The following TSPAN18 variants were observed in gnomAD, a reference collection of about 807,000 sequenced individuals.
The protein encoded by TSPAN18 is tetraspanin 18, also known as tetraspanin-18.
In TSPAN18, 14 loss-of-function variants were observed where a neutral mutation model predicts 27.3. The ratio of observed to expected loss-of-function variants is 0.51; its 90% CI spans 0.34 to 0.80. The LOEUF (loss-of-function observed/expected upper bound fraction) is 0.80, where lower values mean the gene tolerates loss of function less well. Among genes scored for constraint, TSPAN18 ranks in the 30% least tolerant of loss-of-function variants. The pLI is 0.01. For missense variants in TSPAN18, 268 were observed against 323.9 expected (o/e 0.83, Z 1.32); for synonymous variants, 143 against 136.5 (o/e 1.05, Z -0.33).
At chr11:44,911,813 G>A (rs1859726555) in intron 5 of TSPAN18, among the ~76,000 whole-genome samples, 2 of 152,078 alleles carry the variant, frequency 1.3e-5, no homozygotes, top group Non-Finnish European at 2.9e-5. Context: ...CGTGCTATGC[G>A]AGGCAGGACT....
At chr11:44,731,849 C>T (rs1854669393) in intron 1 of TSPAN18, among the ~76,000 whole-genome samples, 1 of 152,258 alleles carries the variant, frequency 6.6e-6, no homozygotes, top group East Asian at 1.9e-4. Flanking sequence ...GATATTTCAT[C>T]AGCTAGCATT....
chr11:44,765,284 TAGA>T (rs1855542092), intron 2 of TSPAN18, among the ~76,000 whole-genome samples: 1 of 152,092 alleles, frequency 6.6e-6, no homozygotes, highest in Admixed American at 6.5e-5. Flanking sequence ...AGGGCTGAAA[TAGA>T]AGAAGTGACA....
At chr11:44,915,456 C>T (rs749466290) in intron 5 of TSPAN18, among the ~76,000 whole-genome samples, 11 of 152,198 alleles carry the variant, frequency 7.2e-5, no homozygotes, top group Non-Finnish European at 1.6e-4. Context: ...AGGCTTCCCC[C>T]ACCCCACCCT....
intron 3 of TSPAN18, among the ~76,000 whole-genome samples, chr11:44,882,829 C>A (rs903095474): frequency 2.0e-5 from 3 of 152,144 alleles, no homozygotes; most frequent in Non-Finnish European, 2.9e-5. Flanking sequence ...ACCCCCAGAC[C>A]CCCAGACCCA....
chr11:44,842,171 AG>A (rs894830402), intron 2 of TSPAN18, among the ~76,000 whole-genome samples: 73 of 152,338 alleles, frequency 4.8e-4, no homozygotes, highest in African/African-American at 1.7e-3. Context: ...GCACAGCCTC[AG>A]TCTCCTTCAA....
At chr11:44,732,436 AT>A (rs1454285949) in intron 1 of TSPAN18, among the ~76,000 whole-genome samples, 1 of 152,174 alleles carries the variant, frequency 6.6e-6, no homozygotes, top group East Asian at 1.9e-4. Flanking sequence ...GGTTGATCTG[AT>A]TCTCTTATCC....
chr11:44,734,183 A>G (rs967856087), intron 1 of TSPAN18, among the ~76,000 whole-genome samples: 2 of 152,072 alleles, frequency 1.3e-5, no homozygotes, highest in African/African-American at 4.8e-5. Flanking sequence ...CCAGAAGCAC[A>G]TACTGGCACC....
chr11:44,819,830 A>G (rs1856890947), intron 2 of TSPAN18, among the ~76,000 whole-genome samples: 2 of 152,104 alleles, frequency 1.3e-5, no homozygotes, highest in African/African-American at 4.8e-5. Context: ...AGAAAAGTCC[A>G]GAGCCTGAGC....
chr11:44,859,859 T>C (rs1364463174), intron 2 of TSPAN18: 1 of 152,140 alleles, frequency 6.6e-6, no homozygotes, highest in Admixed American at 6.6e-5. Flanking sequence ...TGGGTATCAG[T>C]CTCCTTATTG....
intron 3 of TSPAN18, among the ~76,000 whole-genome samples, chr11:44,868,290 C>G (rs1565184204): frequency 1.3e-5 from 2 of 152,184 alleles, no homozygotes; most frequent in Non-Finnish European, 2.9e-5. Context: ...GCATGCTCCC[C>G]TTTATCTTTT....
intron 5 of TSPAN18, among the ~76,000 whole-genome samples, chr11:44,916,142 G>A (rs571737239): frequency 2.6e-4 from 39 of 152,280 alleles, no homozygotes; most frequent in Non-Finnish European, 5.0e-4. Flanking sequence ...TTTTATGTCC[G>A]TGTGCTGAAT....
intron 2 of TSPAN18, among the ~76,000 whole-genome samples, chr11:44,830,668 C>A (rs1301793148): frequency 6.6e-6 from 1 of 152,162 alleles, no homozygotes; most frequent in Non-Finnish European, 1.5e-5. Context: ...GGGCCAGGCA[C>A]CTAACACAAA....
intron 4 of TSPAN18, among the ~76,000 whole-genome samples, chr11:44,908,416 T>C (rs1036281368): frequency 4.6e-5 from 7 of 152,032 alleles, no homozygotes; most frequent in Non-Finnish European, 8.8e-5. Flanking sequence ...ACAGATCTGC[T>C]TCTAATACTT....
intron 2 of TSPAN18, among the ~76,000 whole-genome samples, chr11:44,846,502 AT>A (rs1394075172): frequency 2.6e-5 from 4 of 152,226 alleles, no homozygotes; most frequent in African/African-American, 9.6e-5. Context: ...CACCTCAGGG[AT>A]CAGAACACTC....
chr11:44,887,566 T>C (rs1858698274), intron 3 of TSPAN18, among the ~76,000 whole-genome samples: 1 of 152,180 alleles, frequency 6.6e-6, no homozygotes, highest in African/African-American at 2.4e-5. Context: ...AGTAGGCATT[T>C]AGGAGGTAAA....
intron 2 of TSPAN18, among the ~76,000 whole-genome samples, chr11:44,811,522 C>T (rs1198348906): frequency 1.3e-5 from 2 of 150,672 alleles, no homozygotes; most frequent in Non-Finnish European, 2.9e-5. Flanking sequence ...TGCAATGGCA[C>T]AATCTCGGCT....
intron 2 of TSPAN18, among the ~76,000 whole-genome samples, chr11:44,798,779 TAGAG>T (rs1460032437): frequency 2.0e-5 from 3 of 152,032 alleles, no homozygotes. Flanking sequence ...CCAAAAGAAA[TAGAG>T]AGGGAGGGTT....
chr11:44,926,781 C>T, intron 9 of TSPAN18, 24 bp downstream of exon 9: 1 of 1,611,016 alleles, frequency 6.2e-7, no homozygotes, highest in Non-Finnish European at 8.5e-7. Context: ...CCCACTTCTG[C>T]CGCTCCCCAG....
intron 1 of TSPAN18, among the ~76,000 whole-genome samples, chr11:44,729,976 G>T (rs988165847): frequency 9.9e-5 from 15 of 152,172 alleles, no homozygotes; most frequent in African/African-American, 3.6e-4. Flanking sequence ...TCTGTAAAAT[G>T]AATATGTTGG....
Sources: gnomAD v4.1 joint callset for allele counts (sites outside exome capture counted in the v4.1 genomes callset) on GRCh38, gnomAD v4.1.1 for gene constraint, MANE v1.5 for transcripts, NCBI Gene and HGNC (gene_info 2026-07-23, HGNC 2026-07-21) for gene names.